KIF24: variants seen among roughly 807,000 people sequenced by gnomAD.
KIF24 encodes kinesin family member 24.
A neutral mutation model predicts 118.9 loss-of-function variants in KIF24; 81 were observed. That is an observed-to-expected ratio of 0.68 (90% confidence interval 0.57 to 0.82). The LOEUF (loss-of-function observed/expected upper bound fraction) is 0.82. KIF24 is among the 40% of genes least tolerant of loss of function. KIF24 has a pLI of 0.00. For synonymous variants in KIF24, 599 were observed against 610.0 expected, an observed-to-expected ratio of 0.98 and a Z score of 0.27; for missense variants, 1,560 against 1,661.6, an observed-to-expected ratio of 0.94 and a Z score of 1.06.
In KIF24 at chr9:34,259,740, T is replaced by C. The variant is rs757506057; in HGVS notation, c.1516-35A>G. 3 of 1,404,630 alleles carry C rather than the reference T, an allele frequency of 2.1e-6. No individual in the cohort carries two copies. In the South Asian group the frequency reaches 3.5e-5, roughly 16 times the overall value. The allele number at this position is 1,404,630 out of a possible 1,614,324, so 87.0% of individuals were successfully genotyped here. On this transcript the variant is annotated intron_variant, in intron 9 of 12. Transcript: ENST00000402558. ...ACAGAAGGCAGGTCAATGAGTGAAG[T>C]CAATTAACAAAGTGCATACTGACTA...
rs72733121 is a variant in KIF24 at position 34,321,603 on chromosome 9, C to T, written c.-26+7503G>A. On this transcript the variant is annotated intron_variant, in intron 1 of 12. Transcript: ENST00000402558. Reference sequence around the variant, plus strand: ...AGCTATACATACATACATACTTCTTCTTTTTTTTTTTTTTTTTTTTAGAGA... The same window carrying T: ...AGCTATACATACATACATACTTCTTTTTTTTTTTTTTTTTTTTTTTAGAGA... Among the ~76,000 whole-genome samples the T allele has an allele frequency of 2.1e-3, 208 of 99,220 alleles. 3 individuals carry two copies. Among genetic ancestry groups the T allele is most frequent in the Middle Eastern group, 6.5e-3 (1 of 154 alleles). 65.1% of individuals were successfully genotyped at this position (99,220 alleles called of 152,430 possible).
At chr9:34,292,423 G>T (rs1836286161) in intron 4 of KIF24, among the ~76,000 whole-genome samples, 1 of 151,576 alleles carries the variant, frequency 6.6e-6, no homozygotes, top group South Asian at 2.1e-4. Context: ...AAATACTGAA[G>T]CCCTCAAAAT....
In KIF24 at chr9:34,256,986, T is replaced by C. The variant is rs775350956; in HGVS notation, c.2621A>G (p.Gln874Arg). 59 of 1,613,934 alleles carry C rather than the reference T, an allele frequency of 3.7e-5. No individual in the cohort carries two copies. The Admixed American group carries it at 9.2e-4, about 25-fold the overall frequency. ...TGTCCTGGGGCTAGAAAACAGACTC[T>C]GCTGTCTTTCTGCCACCTGCTTCTC... ...GPEKQVAERQ[Q>R]SLFSSPRTGD... Residue 874 changes from glutamine to arginine, a missense_variant, in exon 11 of 13, where the codon CAG becomes CGG. This residue lies in a region of KIF24 where 591 missense variants were observed against 655.6 expected (regional missense o/e 0.90). Transcript: ENST00000402558.
intron 6 of KIF24, among the ~76,000 whole-genome samples, chr9:34,274,764 T>A: frequency 3.7e-5 from 1 of 27,074 alleles, no homozygotes; most frequent in African/African-American, 7.7e-5. Flanking sequence ...TAAACAAGGA[T>A]GGATTAAAAA....
intron 10 of KIF24, 82 bp from the exon 11 acceptor site, chr9:34,258,063 A>ATTCCTTTTCTTTT: frequency 9.4e-7 from 1 of 1,067,222 alleles, no homozygotes; most frequent in South Asian, 1.6e-5. Flanking sequence ...GAAAACAAAA[A>ATTCCTTTTCTTTT]CCAAAGAAAA....
chr9:34,323,055 G>T (rs1261646513), intron 1 of KIF24, among the ~76,000 whole-genome samples: 1 of 151,804 alleles, frequency 6.6e-6, no homozygotes, highest in African/African-American at 2.4e-5. Flanking sequence ...CAAACTCTAG[G>T]GATTCTTCTA....
In KIF24 at chr9:34,318,817, C is replaced by A; in HGVS notation, c.-25-7446G>T. ...TGTGCAGTCGCCTGTAGGGACCCAG[C>A]TCAGTGAGTTTCGCTGATGACTTCG... On this transcript the variant is annotated intron_variant, in intron 1 of 12. Coordinates refer to ENST00000402558, the MANE Select transcript of KIF24 (RefSeq NM_194313.4). This position sits in a 1 kb window ranked among gnomAD's most constrained non-coding sequence, Gnocchi z 4.9. The A allele has an allele frequency of 6.4e-7, 1 of 1,573,882 alleles. No individual in the cohort carries two copies. Among genetic ancestry groups the A allele is most frequent in the South Asian group, 1.1e-5 (1 of 90,114 alleles).
intron 2 of KIF24, 40 bp from the exon 3 acceptor site, chr9:34,306,481 G>T: frequency 7.4e-7 from 1 of 1,357,086 alleles, no homozygotes; most frequent in Non-Finnish European, 1.0e-6. Flanking sequence ...TTTAATAATA[G>T]GACAAGATTA....
intron 4 of KIF24, among the ~76,000 whole-genome samples, chr9:34,296,301 C>T (rs1303265968): frequency 4.0e-5 from 6 of 148,908 alleles, no homozygotes; most frequent in Admixed American, 6.7e-5. Context: ...CCGAGGCGGG[C>T]GGATCACGAG....
chr9:34,323,151 T>C (rs1837573598), intron 1 of KIF24, among the ~76,000 whole-genome samples: 1 of 135,638 alleles, frequency 7.4e-6, no homozygotes, highest in Non-Finnish European at 1.7e-5. Context: ...GAATATATGA[T>C]ACTTAATAGA....
chr9:34,317,553 G>C (rs1837368228), intron 1 of KIF24, among the ~76,000 whole-genome samples: 1 of 152,146 alleles, frequency 6.6e-6, no homozygotes, highest in African/African-American at 2.4e-5. Context: ...GGAACAATTT[G>C]TAAGATTTAA....
chr9:34,288,466 C>T (rs946542069), intron 5 of KIF24, among the ~76,000 whole-genome samples: 10 of 149,846 alleles, frequency 6.7e-5, no homozygotes, highest in Admixed American at 2.7e-4. Flanking sequence ...CCAGCCTGGG[C>T]GACAGAGCAA....
chr9:34,298,808 A>C (rs1378282639), intron 3 of KIF24, among the ~76,000 whole-genome samples: 1 of 152,202 alleles, frequency 6.6e-6, no homozygotes, highest in Non-Finnish European at 1.5e-5. Context: ...AAATTATTTG[A>C]CAACCATGGA....
intron 4 of KIF24, among the ~76,000 whole-genome samples, chr9:34,295,838 C>T (rs561051186): frequency 6.6e-6 from 1 of 152,160 alleles, no homozygotes; most frequent in African/African-American, 2.4e-5. Context: ...ACATGTGGCC[C>T]ATGCCTATAT....
chr9:34,302,837 G>A (rs960600225), intron 3 of KIF24, among the ~76,000 whole-genome samples: 3 of 147,794 alleles, frequency 2.0e-5, no homozygotes, highest in Non-Finnish European at 3.0e-5. Flanking sequence ...GTGCAGTGGT[G>A]CGATCTCGGC....
chr9:34,296,697 T>C (rs1836493781), intron 4 of KIF24, among the ~76,000 whole-genome samples: 1 of 151,480 alleles, frequency 6.6e-6, no homozygotes, highest in African/African-American at 2.4e-5. Flanking sequence ...TCTGAGGACT[T>C]TGATGGGATA....
intron 12 of KIF24, 37 bp downstream of exon 12, chr9:34,255,035 C>A (rs987460844): frequency 1.9e-5 from 26 of 1,379,498 alleles, no homozygotes; most frequent in Non-Finnish European, 2.5e-5. Context: ...CAGGCTAATT[C>A]CCAACAGCCT....
chr9:34,274,861 A>G (rs1011974630), intron 6 of KIF24, among the ~76,000 whole-genome samples: 2 of 136,956 alleles, frequency 1.5e-5, no homozygotes, highest in African/African-American at 5.4e-5. Context: ...ATGGAACTGG[A>G]GATCATTATG....
intron 4 of KIF24, among the ~76,000 whole-genome samples, chr9:34,295,941 C>T (rs941046764): frequency 1.1e-4 from 16 of 151,714 alleles, no homozygotes; most frequent in Admixed American, 4.6e-4. Flanking sequence ...TACATCTGGC[C>T]GGGCGCGATG....
Sources: gnomAD v4.1 joint callset for allele counts (sites outside exome capture counted in the v4.1 genomes callset) on GRCh38, gnomAD v4.1.1 for gene constraint, gnomAD v4.1.1 regional missense constraint, Gnocchi (gnomAD v3.1) non-coding constraint, MANE v1.5 for transcripts, NCBI Gene and HGNC (gene_info 2026-07-23, HGNC 2026-07-21) for gene names.